HMGA2: variants seen among roughly 807,000 people sequenced by gnomAD.
HMGA2 encodes the protein high mobility group protein HMGI-C.
A neutral mutation model predicts 19.1 loss-of-function variants in HMGA2; 8 were observed. That is an observed-to-expected ratio of 0.42 (90% confidence interval 0.25 to 0.76). HMGA2 has a LOEUF of 0.76. Ranked by LOEUF, HMGA2 falls within the 30% of genes least tolerant of loss-of-function variation. The probability of loss-of-function intolerance (pLI) is 0.28; values close to 1 mark genes in which losing one functional copy is unlikely to be tolerated. For synonymous variants in HMGA2, 60 were observed against 48.8 expected, an observed-to-expected ratio of 1.23 and a Z score of -0.96; for missense variants, 109 against 136.3, an observed-to-expected ratio of 0.80 and a Z score of 1.00.
chr12:65,826,543 G>A (rs1248344809), intron 1 of HMGA2: 3 of 152,194 alleles, frequency 2.0e-5, no homozygotes, highest in African/African-American at 7.2e-5. Context: ...CGAGAGCAAG[G>A]TGGGGAAACT....
rs758399498 is a variant in HMGA2, at chr12:65,838,533, T to C, written c.213T>C (p.Thr71=). ...SKAAQKKAEA[T]GEKRPRGRPR... ...TTCATTTGCAGAAAGCAGAAGCCAC[T>C]GGAGAAAAACGGCCAAGAGGCAGAC... The change falls in exon 3 of 5, where the codon ACT becomes ACC. Residue 71 remains threonine (T), a synonymous_variant. Transcript: ENST00000403681. 6.2e-7 allele frequency: 1 copy of C among 1,612,328 alleles called. No homozygotes were observed. The highest frequency in any genetic ancestry group is 1.7e-4 in the Middle Eastern group (1 of 6,058).
intron 3 of HMGA2, among the ~76,000 whole-genome samples, chr12:65,862,025 A>G (rs1346732153): frequency 1.3e-5 from 2 of 151,926 alleles, no homozygotes; most frequent in Non-Finnish European, 2.9e-5. Context: ...TCGTTTATTT[A>G]GTAGAGACGG....
intron 3 of HMGA2, among the ~76,000 whole-genome samples, chr12:65,899,957 A>G (rs1187278747): frequency 6.6e-6 from 1 of 152,222 alleles, no homozygotes; most frequent in African/African-American, 2.4e-5. Flanking sequence ...AATTTAAGCA[A>G]ATAATAAAAT....
intron 3 of HMGA2, among the ~76,000 whole-genome samples, chr12:65,925,959 G>GTA: frequency 6.6e-6 from 1 of 152,254 alleles, no homozygotes; most frequent in East Asian, 1.9e-4. Flanking sequence ...TTGAGAGGGG[G>GTA]TATATTATGC....
chr12:65,835,850 C>A (rs753840064), intron 2 of HMGA2, among the ~76,000 whole-genome samples: 17 of 152,110 alleles, frequency 1.1e-4, no homozygotes, highest in Non-Finnish European at 8.8e-5. Context: ...TGACTTCACA[C>A]CCCCTTTTCA....
In HMGA2 at chr12:65,890,655, T is replaced by C. The variant is rs564223397; in HGVS notation, c.249+52086T>C. ...ACTCAGCTTTCAGATAGACCTGAACTCCATGAAAGGGAAGTCCTTCTTGGA... is the reference window on the plus strand; with the variant it reads ...ACTCAGCTTTCAGATAGACCTGAACCCCATGAAAGGGAAGTCCTTCTTGGA... On this transcript the variant is annotated intron_variant, in intron 3 of 4. Transcript: ENST00000403681. Among the ~76,000 whole-genome samples the C allele has an allele frequency of 3.3e-5, 5 of 152,050 alleles. No individual in the cohort carries two copies. In the South Asian group the frequency reaches 1.0e-3, roughly 32 times the overall value.
At position 65,825,444 on chromosome 12, in the gene HMGA2, C is replaced by T. The variant is rs1333781723; in HGVS notation, c.111+63C>T. On this transcript the variant is annotated intron_variant, in intron 1 of 4. Transcript: ENST00000403681. This position sits in a 1 kb window ranked among gnomAD's most constrained non-coding sequence, Gnocchi z 4.4. ...CGTCCCCACTGCCGGGGCCCAGACA[C>T]GCGCGGGGCGGCCGGAGTGCGGGAG... 5.0e-6 allele frequency: 6 copies of T among 1,202,702 alleles called. No individual in the cohort carries two copies. Among genetic ancestry groups the T allele is most frequent in the South Asian group, 1.8e-5 (1 of 56,426 alleles). 74.5% of individuals were successfully genotyped at this position (1,202,702 alleles called of 1,614,324 possible).
intron 3 of HMGA2, among the ~76,000 whole-genome samples, chr12:65,869,306 A>G (rs1212531063): frequency 1.3e-5 from 2 of 152,226 alleles, no homozygotes; most frequent in Non-Finnish European, 2.9e-5. Flanking sequence ...GACAGCAACA[A>G]CTAGGAAATG....
At chr12:65,916,150 C>T (rs1366393938) in intron 3 of HMGA2, among the ~76,000 whole-genome samples, 1 of 152,224 alleles carries the variant, frequency 6.6e-6, no homozygotes, top group African/African-American at 2.4e-5. Flanking sequence ...TGGACCATTA[C>T]ATTTTCCAGG....
At chr12:65,828,379 G>A (rs1270677888) in intron 2 of HMGA2, 2 of 263,920 alleles carry the variant, frequency 7.6e-6, no homozygotes, top group East Asian at 1.0e-4. Context: ...TTGCGGGGGG[G>A]GCGGGATGAA....
At chr12:65,882,105 G>A in intron 3 of HMGA2, 1 of 503,840 alleles carries the variant, frequency 2.0e-6, no homozygotes. Context: ...CCTGGCGGCT[G>A]TACTGACAAA....
chr12:65,903,465 G>GA (rs1447972404), intron 3 of HMGA2, among the ~76,000 whole-genome samples: 1 of 152,072 alleles, frequency 6.6e-6, no homozygotes, highest in South Asian at 2.1e-4. Flanking sequence ...TCTGAGTGGG[G>GA]AAAAAATTAC....
At chr12:65,923,800 G>A (rs985212435) in intron 3 of HMGA2, among the ~76,000 whole-genome samples, 12 of 152,016 alleles carry the variant, frequency 7.9e-5, no homozygotes, top group South Asian at 2.1e-4. Context: ...ACCTGGGGTC[G>A]GGAGCTCGAG....
chr12:65,931,101 T>C (rs1425092697), intron 3 of HMGA2, among the ~76,000 whole-genome samples: 1 of 151,850 alleles, frequency 6.6e-6, no homozygotes, highest in Admixed American at 6.6e-5. Context: ...GTAAAAGACA[T>C]CTGTATTTTT....
At position 65,849,807 on chromosome 12, in the gene HMGA2, C is replaced by T. The variant is rs373745638; in HGVS notation, c.249+11238C>T. On this transcript the variant is annotated intron_variant, in intron 3 of 4. Transcript: ENST00000403681. The stretch of plus-strand genomic sequence containing the variant: ...GATCCTGGCTTACTGCAACCTCCGC[C>T]TCCCGGGTTCAGGCGATTCTTAAGC... 6.2e-5 allele frequency among the ~76,000 whole-genome samples: 9 copies of T among 144,560 alleles called. No homozygotes were observed. The East Asian group carries it at 1.8e-3, about 29-fold the overall frequency. 94.8% of individuals were successfully genotyped at this position (144,560 alleles called of 152,430 possible).
intron 3 of HMGA2, among the ~76,000 whole-genome samples, chr12:65,885,064 A>G (rs1873596383): frequency 6.6e-6 from 1 of 152,184 alleles, no homozygotes; most frequent in Admixed American, 6.5e-5. Context: ...CTCTTCTAAG[A>G]AATTTTCATT....
intron 3 of HMGA2, chr12:65,881,762 C>A (rs1456025489): frequency 1.4e-6 from 1 of 703,056 alleles, no homozygotes; most frequent in Non-Finnish European, 2.6e-6. Context: ...ATGAAGAGCC[C>A]GTGCTGGTGA....
At chr12:65,927,817 C>A (rs1875560333) in intron 3 of HMGA2, among the ~76,000 whole-genome samples, 1 of 142,546 alleles carries the variant, frequency 7.0e-6, no homozygotes, top group South Asian at 2.5e-4. Flanking sequence ...CTCTGTCTCT[C>A]TCTCTCTTTG....
In HMGA2 at chr12:65,915,119, A is replaced by G. The variant is rs746704188; in HGVS notation, c.250-36264A>G. On this transcript the variant is annotated intron_variant, in intron 3 of 4. Coordinates refer to ENST00000403681, the MANE Select transcript of HMGA2 (RefSeq NM_003483.6). ...AACATCTCTGGGAAACAGTACCAAAAGGAGTCACTGAATTGTCATTGGAGG... is the reference window on the plus strand; with the variant it reads ...AACATCTCTGGGAAACAGTACCAAAGGGAGTCACTGAATTGTCATTGGAGG... The G allele has an allele frequency of 1.9e-6, 3 of 1,613,792 alleles. No individual in the cohort carries two copies. In the East Asian group the frequency reaches 6.7e-5, roughly 36 times the overall value.
Sources: gnomAD v4.1 joint callset for allele counts (sites outside exome capture counted in the v4.1 genomes callset) on GRCh38, gnomAD v4.1.1 for gene constraint, Gnocchi (gnomAD v3.1) non-coding constraint, MANE v1.5 for transcripts, NCBI Gene and HGNC (gene_info 2026-07-23, HGNC 2026-07-21) for gene names.